Variants in RNF38 observed in about 807,000 individuals in gnomAD.
The protein encoded by RNF38 is ring finger protein 38, also known as E3 ubiquitin-protein ligase RNF38.
In RNF38, 15 loss-of-function variants were observed where a neutral mutation model predicts 67.2. The observed-to-expected ratio is 0.22, with a 90% CI of 0.15 to 0.34. The LOEUF (loss-of-function observed/expected upper bound fraction) is 0.34. RNF38 is among the 10% of genes least tolerant of loss of function. The pLI is 1.00. For synonymous variants in RNF38, 220 were observed against 218.8 expected, an observed-to-expected ratio of 1.01 and a Z score of -0.05; for missense variants, 524 against 639.9, an observed-to-expected ratio of 0.82 and a Z score of 1.95.
At chr9:36,366,383 T>C (rs1834964157) in intron 4 of RNF38, among the ~76,000 whole-genome samples, 1 of 152,222 alleles carries the variant, frequency 6.6e-6, no homozygotes, top group Non-Finnish European at 1.5e-5. Context: ...AAAAAAAGCT[T>C]TACATATTGC....
At chr9:36,463,905 C>T (rs1052976402) in intron 1 of RNF38, among the ~76,000 whole-genome samples, 22 of 152,164 alleles carry the variant, frequency 1.4e-4, no homozygotes, top group African/African-American at 2.4e-4. Context: ...CGGTGGCTCA[C>T]GCCTGTAATC....
chr9:36,343,777 G>A (rs1833017675), intron 10 of RNF38, among the ~76,000 whole-genome samples: 1 of 152,144 alleles, frequency 6.6e-6, no homozygotes, highest in African/African-American at 2.4e-5. Context: ...GTTATGCTAA[G>A]TGAAAGATGC....
At chr9:36,464,212 A>C (rs1438844624) in intron 1 of RNF38, among the ~76,000 whole-genome samples, 1 of 151,708 alleles carries the variant, frequency 6.6e-6, no homozygotes, top group African/African-American at 2.4e-5. Context: ...ATTATCTTCT[A>C]ATTTCTGACA....
intron 2 of RNF38, chr9:36,424,551 G>C (rs971440489): frequency 4.2e-6 from 3 of 707,088 alleles, no homozygotes; most frequent in African/African-American, 1.9e-5. Flanking sequence ...TTACGCAAGA[G>C]AATCCAGCAA....
chr9:36,415,860 G>C (rs1207003888), intron 2 of RNF38, among the ~76,000 whole-genome samples: 2 of 152,022 alleles, frequency 1.3e-5, no homozygotes, highest in African/African-American at 2.4e-5. Context: ...ACAGGCAGTG[G>C]AATTTGCTAT....
intron 1 of RNF38, among the ~76,000 whole-genome samples, chr9:36,485,304 G>GTATATATATATATATATATA (rs1156313770): frequency 2.3e-4 from 34 of 150,388 alleles, no homozygotes; most frequent in African/African-American, 8.0e-4. Flanking sequence ...ATCTCTTAGG[G>GTATATATATATATATATATA]TATATATACA....
At chr9:36,432,634 A>C (rs1323954900) in intron 1 of RNF38, among the ~76,000 whole-genome samples, 1 of 152,148 alleles carries the variant, frequency 6.6e-6, no homozygotes, top group East Asian at 1.9e-4. Flanking sequence ...CTCTACTAAA[A>C]ATACAAAAAT....
At position 36,394,199 on chromosome 9, in the gene RNF38, C is replaced by T. The variant is rs190226605; in HGVS notation, c.13-3583G>A. Among the ~76,000 whole-genome samples the T allele has an allele frequency of 3.3e-4, 50 of 152,010 alleles. No individual in the cohort carries two copies. The East Asian group carries it at 7.7e-3, about 23-fold the overall frequency. On this transcript the variant is annotated intron_variant, in intron 1 of 11. Coordinates refer to ENST00000259605, the MANE Select transcript of RNF38 (RefSeq NM_022781.5). Reference sequence around the variant, plus strand: ...CTGAGGCAGGAGAATCACTTGAATCCGGGAGGTGGAGGTTGCAGTGAGCCA... The same window carrying T: ...CTGAGGCAGGAGAATCACTTGAATCTGGGAGGTGGAGGTTGCAGTGAGCCA...
At chr9:36,358,430 C>T (rs1021499625) in intron 4 of RNF38, among the ~76,000 whole-genome samples, 1 of 152,238 alleles carries the variant, frequency 6.6e-6, no homozygotes, top group Non-Finnish European at 1.5e-5. Context: ...ACATATCCTT[C>T]TTCTCTTTCT....
chr9:36,469,593 G>A lies in RNF38; in HGVS notation n.241+17715C>T, dbSNP rs74753803. On this transcript the variant is annotated intron_variant and non_coding_transcript_variant, in intron 1 of 3. Transcript: ENST00000488058. Reference sequence around the variant, plus strand: ...GGAGAATTGCTTGAACCCGGGAGGTGGAGGTTGTGGTGAGCCAAGATGGCG... The same window carrying A: ...GGAGAATTGCTTGAACCCGGGAGGTAGAGGTTGTGGTGAGCCAAGATGGCG... Among the ~76,000 whole-genome samples the A allele has an allele frequency of 3.1e-3, 472 of 152,202 alleles. 9 individuals are homozygous for A. The East Asian group carries it at 0.042, about 13-fold the overall frequency.
At chr9:36,400,984 G>C (rs898741856), upstream of RNF38, 1 of 984,394 alleles carries the variant, frequency 1.0e-6, no homozygotes, top group African/African-American at 1.8e-5. Flanking sequence ...CGGCGCACTG[G>C]CCTCCGCTGC....
intron 10 of RNF38, among the ~76,000 whole-genome samples, chr9:36,342,866 A>G (rs1180301827): frequency 6.6e-6 from 1 of 152,214 alleles, no homozygotes. Context: ...TGGAGATGAC[A>G]TTAAAAGCAC....
chr9:36,355,635 A>G (rs1834043334), intron 6 of RNF38, among the ~76,000 whole-genome samples: 1 of 152,178 alleles, frequency 6.6e-6, no homozygotes, highest in Non-Finnish European at 1.5e-5. Context: ...AGAACCACAT[A>G]AAAAGAAAAA....
chr9:36,463,549 C>A (rs1481149957), intron 1 of RNF38, among the ~76,000 whole-genome samples: 1 of 151,992 alleles, frequency 6.6e-6, no homozygotes, highest in East Asian at 1.9e-4. Context: ...TCAATATGAA[C>A]TGTTTACCTT....
chr9:36,379,518 A>T (rs1836045606), intron 2 of RNF38, among the ~76,000 whole-genome samples: 2 of 152,364 alleles, frequency 1.3e-5, no homozygotes, highest in Admixed American at 1.3e-4. Context: ...CATAAAAAAA[A>T]TGACCTTTGT....
At chr9:36,367,971 C>T (rs1419376696) in intron 4 of RNF38, among the ~76,000 whole-genome samples, 6 of 152,202 alleles carry the variant, frequency 3.9e-5, no homozygotes, top group Non-Finnish European at 5.9e-5. Flanking sequence ...CCTGCTTCAG[C>T]CTCCCTAGTA....
intron 1 of RNF38, among the ~76,000 whole-genome samples, chr9:36,443,251 C>A (rs1316577688): frequency 6.6e-6 from 1 of 152,118 alleles, no homozygotes; most frequent in Non-Finnish European, 1.5e-5. Context: ...GACAGCAACA[C>A]TGTGAGCCAG....
intron 9 of RNF38, among the ~76,000 whole-genome samples, chr9:36,347,161 C>T (rs1485544879): frequency 8.0e-6 from 1 of 124,388 alleles, no homozygotes; most frequent in Admixed American, 9.5e-5. Flanking sequence ...AGTAAATTGC[C>T]AAATTGATGG....
At chr9:36,444,056 C>G (rs1480108372) in intron 1 of RNF38, among the ~76,000 whole-genome samples, 2 of 152,134 alleles carry the variant, frequency 1.3e-5, no homozygotes, top group Admixed American at 1.3e-4. Context: ...AAAAAAGCCA[C>G]ACATTCAGAT....
Sources: gnomAD v4.1 joint callset for allele counts (sites outside exome capture counted in the v4.1 genomes callset) on GRCh38, gnomAD v4.1.1 for gene constraint, MANE v1.5 for transcripts, NCBI Gene and HGNC (gene_info 2026-07-23, HGNC 2026-07-21) for gene names.